Variants in CALCRL observed in about 807,000 individuals in gnomAD.
CALCRL encodes calcitonin gene-related peptide type 1 receptor.
A neutral mutation model predicts 60.4 loss-of-function variants in CALCRL; 27 were observed. The ratio of observed to expected loss-of-function variants is 0.45; its 90% CI spans 0.33 to 0.62. The LOEUF (loss-of-function observed/expected upper bound fraction) is 0.62. Among genes scored for constraint, CALCRL ranks in the 20% least tolerant of loss-of-function variants. CALCRL has a pLI of 0.03. For synonymous variants in CALCRL, 190 were observed against 182.6 expected, an observed-to-expected ratio of 1.04 and a Z score of -0.33; for missense variants, 424 against 540.7, an observed-to-expected ratio of 0.78 and a Z score of 2.14.
intron 8 of CALCRL, among the ~76,000 whole-genome samples, chr2:187,364,731 T>A (rs1687204697): frequency 6.6e-6 from 1 of 152,200 alleles, no homozygotes. Flanking sequence ...TGATTCTATA[T>A]ATAGCTCTAG....
chr2:187,390,182 C>T (rs1456312642), intron 1 of CALCRL, among the ~76,000 whole-genome samples: 1 of 152,026 alleles, frequency 6.6e-6, no homozygotes, highest in Non-Finnish European at 1.5e-5. Flanking sequence ...TTTGTGATTA[C>T]TTAGATGTTA....
intron 12 of CALCRL, among the ~76,000 whole-genome samples, chr2:187,352,826 G>A (rs889439681): frequency 3.3e-5 from 5 of 151,722 alleles, no homozygotes; most frequent in Non-Finnish European, 4.4e-5. Flanking sequence ...GTTTCTTCTA[G>A]TAACAATAAT....
Position 187,357,651 on chromosome 2 carries a change from C to A in CALCRL, c.909+1412G>T, listed in dbSNP as rs866563399. 6.3e-5 allele frequency among the ~76,000 whole-genome samples: 6 copies of A among 94,526 alleles called. No individual in the cohort carries two copies. In the South Asian group the frequency reaches 2.1e-3, roughly 34 times the overall value. The allele number at this position is 94,526 out of a possible 152,430, so 62.0% of individuals were successfully genotyped here. On this transcript the variant is annotated intron_variant, in intron 12 of 14. Transcript: ENST00000392370. Reference sequence around the variant, plus strand: ...TCAATTCCCACCTATGTTGTGGGGTCGGGGGAGGGGGGAGGGACAGCATTG... The same window carrying A: ...TCAATTCCCACCTATGTTGTGGGGTAGGGGGAGGGGGGAGGGACAGCATTG...
chr2:187,399,761 A>G (rs1417181862), intron 1 of CALCRL, among the ~76,000 whole-genome samples: 1 of 151,634 alleles, frequency 6.6e-6, no homozygotes, highest in Non-Finnish European at 1.5e-5. Context: ...AAAACAGAAT[A>G]CTATTCAGCC....
intron 8 of CALCRL, among the ~76,000 whole-genome samples, chr2:187,369,781 T>C (rs1208914615): frequency 2.0e-5 from 3 of 152,178 alleles, no homozygotes; most frequent in Non-Finnish European, 4.4e-5. Flanking sequence ...GACTAAGGGA[T>C]ACAAAAAGAA....
chr2:187,447,392 C>T (rs758336416), intron 1 of CALCRL, among the ~76,000 whole-genome samples: 1 of 150,778 alleles, frequency 6.6e-6, no homozygotes, highest in African/African-American at 2.4e-5. Context: ...TCTTTGTAGC[C>T]GACACCATGA....
At position 187,345,623 on chromosome 2, in the gene CALCRL, G is replaced by A. The variant is rs1686239731; in HGVS notation, c.*561C>T. 1 of 151,688 alleles carries A rather than the reference G, an allele frequency of 6.6e-6. No homozygotes were observed. The highest frequency in any genetic ancestry group is 1.5e-5 in the Non-Finnish European group (1 of 67,914). 9.4% of individuals were successfully genotyped at this position (151,688 alleles called of 1,614,324 possible). On this transcript the variant is annotated 3_prime_UTR_variant, in exon 15 of 15. Coordinates refer to ENST00000392370, the MANE Select transcript of CALCRL (RefSeq NM_005795.6). ...TCATAGAGAAAAGAAAGCCAGCAGG[G>A]ATAATTCACTTCTGGTATTGTCCAT...
At chr2:187,388,379 C>CTTATCATATTAATGATAATT (rs1234022934) in intron 1 of CALCRL, among the ~76,000 whole-genome samples, 3 of 151,798 alleles carry the variant, frequency 2.0e-5, no homozygotes, top group African/African-American at 7.3e-5. Context: ...TAAAACTCTC[C>CTTATCATATTAATGATAATT]TTATCATATT....
chr2:187,370,136 C>G (rs927307528), intron 8 of CALCRL, among the ~76,000 whole-genome samples: 2 of 152,074 alleles, frequency 1.3e-5, no homozygotes, highest in Admixed American at 6.6e-5. Context: ...CATGTAAGAC[C>G]TTCTTGGTTT....
At chr2:187,398,312 T>C (rs1364942315) in intron 1 of CALCRL, among the ~76,000 whole-genome samples, 2 of 151,708 alleles carry the variant, frequency 1.3e-5, no homozygotes, top group Non-Finnish European at 1.5e-5. Context: ...TGTCTTGTTT[T>C]GTTTTTCCCA....
At chr2:187,426,391 C>T (rs1394891560) in intron 1 of CALCRL, among the ~76,000 whole-genome samples, 6 of 151,524 alleles carry the variant, frequency 4.0e-5, no homozygotes, top group African/African-American at 7.3e-5. Flanking sequence ...GTCCAAATGG[C>T]GGCAAATGAA....
intron 8 of CALCRL, among the ~76,000 whole-genome samples, chr2:187,367,978 T>A (rs1687368343): frequency 6.6e-6 from 1 of 152,118 alleles, no homozygotes; most frequent in Admixed American, 6.5e-5. Context: ...GTCTTTCAAT[T>A]CACTTTTGGA....
intron 1 of CALCRL, chr2:187,415,557 T>C: frequency 4.2e-6 from 2 of 472,590 alleles, no homozygotes; most frequent in South Asian, 5.4e-5. Flanking sequence ...ACTCTGCCAA[T>C]GTGTCAGTGG....
intron 1 of CALCRL, among the ~76,000 whole-genome samples, chr2:187,392,964 G>A (rs555118358): frequency 2.0e-4 from 30 of 152,216 alleles, no homozygotes; most frequent in African/African-American, 6.5e-4. Context: ...ATATAAAGCA[G>A]TTAGTGAAAC....
intron 1 of CALCRL, among the ~76,000 whole-genome samples, chr2:187,389,065 TCTTC>T (rs1688323552): frequency 1.1e-5 from 1 of 92,118 alleles, no homozygotes; most frequent in South Asian, 3.5e-4. Flanking sequence ...TATTACTTCT[TCTTC>T]TTTTTTTTTT....
chr2:187,372,411 G>C (rs1687569276), intron 8 of CALCRL, among the ~76,000 whole-genome samples: 1 of 151,586 alleles, frequency 6.6e-6, no homozygotes, highest in African/African-American at 2.4e-5. Flanking sequence ...AAGCCCTAAA[G>C]TTACGTCTCT....
intron 1 of CALCRL, among the ~76,000 whole-genome samples, chr2:187,400,864 G>T (rs1688858745): frequency 1.3e-5 from 2 of 151,456 alleles, no homozygotes; most frequent in Admixed American, 6.6e-5. Flanking sequence ...AGCTATTGGG[G>T]GTTACCTAGG....
intron 1 of CALCRL, among the ~76,000 whole-genome samples, chr2:187,444,333 C>A (rs1323760665): frequency 1.3e-5 from 2 of 151,472 alleles, no homozygotes; most frequent in African/African-American, 4.8e-5. Flanking sequence ...ACTATAGCCC[C>A]AATACCATAG....
intron 4 of CALCRL, among the ~76,000 whole-genome samples, chr2:187,384,409 G>C (rs959282619): frequency 3.9e-5 from 6 of 152,140 alleles, no homozygotes; most frequent in Admixed American, 3.9e-4. Context: ...CACAGACTCT[G>C]ATTTGTACAC....
Sources: gnomAD v4.1 joint callset for allele counts (sites outside exome capture counted in the v4.1 genomes callset) on GRCh38, gnomAD v4.1.1 for gene constraint, MANE v1.5 for transcripts, NCBI Gene and HGNC (gene_info 2026-07-23, HGNC 2026-07-21) for gene names.